Variants in CTU2 observed in about 807,000 individuals in gnomAD.
CTU2 encodes the protein cytoplasmic tRNA 2-thiolation protein 2.
CTU2 carries 80 observed loss-of-function variants against 64.1 expected under a neutral mutation model. The ratio of observed to expected loss-of-function variants is 1.25; its 90% CI spans 1.04 to 1.50. The LOEUF (loss-of-function observed/expected upper bound fraction) is 1.50. Among genes scored for constraint, CTU2 ranks in the 40% most tolerant of loss-of-function variants. CTU2 has a pLI of 0.00. For missense variants in CTU2, 1,110 were observed against 690.2 expected (o/e 1.61, Z -6.81); for synonymous variants, 482 against 285.3 (o/e 1.69, Z -6.95).
chr16:88,708,345 C>T (rs538762039), intron 2 of CTU2, among the ~76,000 whole-genome samples: 65 of 152,298 alleles, frequency 4.3e-4, no homozygotes, highest in African/African-American at 1.5e-3. Flanking sequence ...CAGGTCAGCA[C>T]GTGGGAGAAA....
chr16:88,707,313 C>T (rs1209603293), intron 2 of CTU2, 103 bp downstream of exon 2: 3 of 1,097,014 alleles, frequency 2.7e-6, no homozygotes, highest in African/African-American at 1.5e-5. Context: ...AAAACATGTA[C>T]TTACTTTATT....
At chr16:88,708,324 C>T (rs1187917213) in intron 2 of CTU2, among the ~76,000 whole-genome samples, 1 of 152,168 alleles carries the variant, frequency 6.6e-6, no homozygotes, top group Non-Finnish European at 1.5e-5. Flanking sequence ...CTGGGATCCC[C>T]AGGGATCATT....
Position 88,712,328 on chromosome 16 carries a change from T to G in CTU2, c.398T>G (p.Val133Gly). The G allele has an allele frequency of 6.2e-7, 1 of 1,610,750 alleles. No homozygotes were observed. The highest frequency in any genetic ancestry group is 8.5e-7 in the Non-Finnish European group (1 of 1,178,576). Residue 133 changes from valine to glycine, a missense_variant, in exon 6 of 15, where the codon GTG becomes GGG. By Grantham distance (109) the Val-to-Gly change is moderately radical (BLOSUM62 -3). Coordinates refer to ENST00000453996, the MANE Select transcript of CTU2 (RefSeq NM_001012759.3). ...LEERSKTLAE[V>G]KPILQATGFP... The stretch of plus-strand genomic sequence containing the variant: ...GAGAGATCAAAGACCCTGGCCGAAG[T>G]GAAGCCCATTCTGCAAGCAACTGGG...
At chr16:88,711,451 G>A (rs371792191) in intron 4 of CTU2, among the ~76,000 whole-genome samples, 184 bp from the exon 5 acceptor site, 13 of 152,312 alleles carry the variant, frequency 8.5e-5, no homozygotes, top group African/African-American at 1.2e-4. Context: ...TCGGGCGTGC[G>A]GCCTCGCCTA....
intron 2 of CTU2, among the ~76,000 whole-genome samples, chr16:88,708,083 G>A (rs1911037585): frequency 6.6e-6 from 1 of 152,148 alleles, no homozygotes; most frequent in Admixed American, 6.5e-5. Flanking sequence ...CAAAGTGCTG[G>A]GATTACAGGC....
In CTU2 at chr16:88,714,572, C is replaced by A. The variant is rs759218278; in HGVS notation, c.1202-15C>A. Reference sequence around the variant, plus strand: ...TCAGCAGCCCCAGGCTCCGTCACCCCCTCTCTGCTTGCAGACAGTGCCACG... The same window carrying A: ...TCAGCAGCCCCAGGCTCCGTCACCCACTCTCTGCTTGCAGACAGTGCCACG... On this transcript the variant is annotated splice_polypyrimidine_tract_variant and intron_variant, in intron 11 of 14. Coordinates refer to ENST00000453996, the MANE Select transcript of CTU2 (RefSeq NM_001012759.3). 3.1e-6 allele frequency: 5 copies of A among 1,612,646 alleles called. No individual in the cohort carries two copies. The highest frequency in any genetic ancestry group is 1.7e-4 in the Middle Eastern group (1 of 6,060).
chr16:88,714,281 G>C, intron 10 of CTU2, 54 bp downstream of exon 10: 1 of 1,208,856 alleles, frequency 8.3e-7, no homozygotes, highest in East Asian at 2.6e-5. Flanking sequence ...GCTGTGCGCG[G>C]GTGTGTGCGG....
chr16:88,712,730 C>A lies in CTU2; in HGVS notation c.562C>A (p.Leu188Met). 2 of 1,609,188 alleles carry A rather than the reference C, an allele frequency of 1.2e-6. No homozygotes were observed. Among genetic ancestry groups the A allele is most frequent in the Non-Finnish European group, 1.7e-6 (2 of 1,178,710 alleles). ...VDSFLQQQHV[L>M]GAGGGPGPTQ... ...CAGCTTCCTCCAGCAGCAGCATGTGCTGGGGGCCGGGGGTGGTCCTGGCCC... is the reference window on the plus strand; with the variant it reads ...CAGCTTCCTCCAGCAGCAGCATGTGATGGGGGCCGGGGGTGGTCCTGGCCC... The change falls in exon 7 of 15, where the codon CTG (leucine) becomes ATG (methionine). Residue 188 changes from leucine to methionine, a missense_variant. By Grantham distance (15) the Leu-to-Met change is conservative. Coordinates refer to ENST00000453996, the MANE Select transcript of CTU2 (RefSeq NM_001012759.3).
At chr16:88,709,662 G>C (rs1185494084) in intron 2 of CTU2, 2 of 463,716 alleles carry the variant, frequency 4.3e-6, no homozygotes, top group Non-Finnish European at 7.8e-6. Context: ...GAGGGGTGCC[G>C]GGGCTCTGCC....
At chr16:88,706,745 C>T in intron 1 of CTU2, 147 bp downstream of exon 1, 1 of 570,144 alleles carries the variant, frequency 1.8e-6, no homozygotes, top group Non-Finnish European at 2.9e-6. Context: ...GCCTGTCAAG[C>T]GGTGACGGCC....
chr16:88,712,186 G>A (rs534523007), intron 5 of CTU2, 88 bp from the exon 6 acceptor site: 17 of 1,170,796 alleles, frequency 1.5e-5, no homozygotes, highest in East Asian at 1.3e-4. Flanking sequence ...GCGAGGCCTC[G>A]AAGGGTTTTC....
chr16:88,712,366 G>A lies in CTU2; in HGVS notation c.436G>A (p.Val146Met). 1.2e-6 allele frequency: 2 copies of A among 1,609,034 alleles called. No homozygotes were observed. Among genetic ancestry groups the A allele is most frequent in the Non-Finnish European group, 1.7e-6 (2 of 1,177,610 alleles). The change falls in exon 6 of 15, where the codon GTG becomes ATG. Residue 146 changes from valine to methionine, a missense_variant. By Grantham distance (21) the Val-to-Met change is conservative. Coordinates refer to ENST00000453996, the MANE Select transcript of CTU2 (RefSeq NM_001012759.3). ...ILQATGFPWH[V>M]VALEEVFSLP... Reference sequence around the variant, plus strand: ...GCAAGCAACTGGGTTCCCATGGCATGTGGTGGCCTTAGAGGAGGTGGGAGG... The same window carrying A: ...GCAAGCAACTGGGTTCCCATGGCATATGGTGGCCTTAGAGGAGGTGGGAGG...
At position 88,712,824 on chromosome 16, in the gene CTU2, C is replaced by T. The variant is rs948779431; in HGVS notation, c.656C>T (p.Pro219Leu). The T allele has an allele frequency of 6.3e-7, 1 of 1,595,426 alleles. No homozygotes were observed. Among genetic ancestry groups the T allele is most frequent in the Admixed American group, 1.7e-5 (1 of 57,680 alleles). The change falls in exon 7 of 15, where the codon CCT (proline) becomes CTT (leucine). Residue 219 changes from proline (P) to leucine (L), a missense_variant. Transcript: ENST00000453996. Reference sequence around the variant, plus strand: ...CAGAACCTGGCAAGACCGCCTGCCCCTGCCCAGACTGAGGCTCTTTCCCAA... The same window carrying T: ...CAGAACCTGGCAAGACCGCCTGCCCTTGCCCAGACTGAGGCTCTTTCCCAA... ...DPQNLARPPAPAQTEALSQLF... is the reference protein window; with the variant it reads ...DPQNLARPPALAQTEALSQLF...
intron 4 of CTU2, 71 bp downstream of exon 4, chr16:88,710,353 C>A: frequency 1.3e-6 from 2 of 1,520,926 alleles, no homozygotes; most frequent in Non-Finnish European, 1.8e-6. Flanking sequence ...CCTTCTCAGC[C>A]TGCTGAGGGG....
intron 4 of CTU2, chr16:88,710,486 C>T (rs1423040364): frequency 1.7e-6 from 1 of 583,854 alleles, no homozygotes; most frequent in Non-Finnish European, 3.0e-6. Context: ...GCGGCCCACT[C>T]TCAGATGTGT....
intron 4 of CTU2, chr16:88,710,591 G>A: frequency 2.5e-6 from 1 of 404,360 alleles, no homozygotes; most frequent in Non-Finnish European, 4.5e-6. Flanking sequence ...ATCAGAAGCT[G>A]GGTCCACAGT....
rs1002247519 is a variant in CTU2 at position 88,709,976 on chromosome 16, C to T, written c.182C>T (p.Ala61Val). ...FKAFYVHKFR[A>V]MLGKNRLIFP... ...GCCTTCTACGTCCACAAGTTCAGAGCCATGCTGGGCAAGAACCGGCTCATC... is the reference window on the plus strand; with the variant it reads ...GCCTTCTACGTCCACAAGTTCAGAGTCATGCTGGGCAAGAACCGGCTCATC... The change falls in exon 3 of 15, where the codon GCC becomes GTC. Residue 61 changes from alanine (A) to valine (V), a missense_variant. Physicochemically the swap from Ala to Val is moderately conservative, Grantham distance 64. Transcript: ENST00000453996. 4 of 1,613,854 alleles carry T rather than the reference C, an allele frequency of 2.5e-6. No individual in the cohort carries two copies. The African/African-American group carries it at 5.3e-5, about 22-fold the overall frequency.
In CTU2 at chr16:88,715,312, CGGAAGGCAA is replaced by C. The variant is rs1567655042; in HGVS notation, c.*65_*73del. 5.1e-6 allele frequency: 8 copies of C among 1,559,002 alleles called. No homozygotes were observed. Among genetic ancestry groups the C allele is most frequent in the Non-Finnish European group, 7.0e-6 (8 of 1,146,322 alleles). ...GCCACCTGGTACACCACACTGGAGC[CGGAAGGCAA>C]GGACGGGGGACTGGCCTCTGATTGT... is the stretch of plus-strand genomic sequence containing the variant. On this transcript the variant is annotated 3_prime_UTR_variant, in exon 15 of 15. Transcript: ENST00000453996.
rs865950092 is a variant in CTU2, at chr16:88,713,658, T to G, written c.885T>G (p.Asp295Glu). The change falls in exon 9 of 15, where the codon GAT (aspartate) becomes GAG (glutamate). Residue 295 changes from aspartate (D) to glutamate (E), a missense_variant. Asp to Glu is a conservative substitution (Grantham distance 45). Coordinates refer to ENST00000453996, the MANE Select transcript of CTU2 (RefSeq NM_001012759.3). Reference protein sequence around the residue: ...AFLAWDTGFSDERHGDVVVVR... With the variant: ...AFLAWDTGFSEERHGDVVVVR... ...CCTGCCTCCCGCAGGGCTTCTCGGA[T>G]GAGCGGCACGGGGACGTGGTGGTGG... 2.5e-6 allele frequency: 4 copies of G among 1,612,290 alleles called. No homozygotes were observed. The highest frequency in any genetic ancestry group is 1.7e-4 in the Middle Eastern group (1 of 6,050).
Sources: allele counts gnomAD v4.1 joint callset (sites outside exome capture counted in the v4.1 genomes callset), GRCh38; gene constraint gnomAD v4.1.1; transcripts MANE v1.5; gene names NCBI Gene and HGNC (gene_info 2026-07-23, HGNC 2026-07-21).